Variants in UBASH3B observed in about 807,000 individuals in gnomAD.
The protein encoded by UBASH3B is ubiquitin-associated and SH3 domain-containing protein B.
In UBASH3B, 37 loss-of-function variants were observed where a neutral mutation model predicts 83.4. That is an observed-to-expected ratio of 0.44 (90% CI 0.34 to 0.58). UBASH3B has a LOEUF of 0.58. Among genes scored for constraint, UBASH3B ranks in the 20% least tolerant of loss-of-function variants. The pLI, the probability that UBASH3B is intolerant of heterozygous loss-of-function variation, is 0.01. For synonymous variants in UBASH3B, 304 were observed against 318.3 expected (o/e 0.96, Z 0.48); for missense variants, 657 against 827.2 (o/e 0.79, Z 2.52).
chr11:122,745,204 C>CA (rs1210853133), intron 1 of UBASH3B, among the ~76,000 whole-genome samples: 13 of 152,134 alleles, frequency 8.5e-5, no homozygotes, highest in African/African-American at 2.9e-4. Context: ...CTTACCACTC[C>CA]AAAAATGCAT....
intron 1 of UBASH3B, among the ~76,000 whole-genome samples, chr11:122,764,253 G>A (rs1374945467): frequency 6.6e-6 from 1 of 152,212 alleles, no homozygotes; most frequent in Non-Finnish European, 1.5e-5. Flanking sequence ...AAATAGGCAG[G>A]ATGGTCCTAA....
At chr11:122,690,167 C>CATATATATATATATATAT (rs57203901) in intron 1 of UBASH3B, among the ~76,000 whole-genome samples, 1 of 43,570 alleles carries the variant, frequency 2.3e-5, no homozygotes, top group African/African-American at 6.5e-5. Flanking sequence ...GGCAGGAAAA[C>CATATATATATATATATAT]ATATATATAT....
chr11:122,776,361 T>G, intron 2 of UBASH3B, 89 bp downstream of exon 2: 2 of 1,251,076 alleles, frequency 1.6e-6, no homozygotes, highest in Non-Finnish European at 1.1e-6. Context: ...CTTTCTCTAA[T>G]GGACCCTTCC....
At chr11:122,776,083 G>A (rs1033027601) in intron 1 of UBASH3B, 136 bp from the exon 2 acceptor site, 4 of 678,424 alleles carry the variant, frequency 5.9e-6, no homozygotes, top group Non-Finnish European at 7.4e-6. Flanking sequence ...AAAACCTGCT[G>A]CAGGTGTCTA....
At chr11:122,801,067 T>C in intron 10 of UBASH3B, 121 bp from the exon 11 acceptor site, 1 of 1,215,946 alleles carries the variant, frequency 8.2e-7, no homozygotes, top group Non-Finnish European at 1.1e-6. Flanking sequence ...CTTCCATTTC[T>C]GTTTAGCTAT....
chr11:122,722,562 C>A (rs966848241), intron 1 of UBASH3B, among the ~76,000 whole-genome samples: 3 of 152,116 alleles, frequency 2.0e-5, no homozygotes, highest in African/African-American at 7.2e-5. Context: ...TTCCTGAGTT[C>A]TTTGGTCTCT....
chr11:122,809,706 A>C lies in UBASH3B; in HGVS notation c.1813-43A>C, dbSNP rs759741651. On this transcript the variant is annotated intron_variant, in intron 13 of 13. Coordinates refer to ENST00000284273, the MANE Select transcript of UBASH3B (RefSeq NM_032873.5). ...ATTTAGGTAAAAGTTAAAGCATTAA[A>C]CCTATCTCCTAATATCCCCTTTCTT... 2.2e-5 allele frequency: 36 copies of C among 1,609,818 alleles called. No homozygotes were observed. The Admixed American group carries it at 3.7e-4, about 16-fold the overall frequency.
chr11:122,801,022 G>A (rs1044738898), intron 10 of UBASH3B, among the ~76,000 whole-genome samples, 166 bp from the exon 11 acceptor site: 1 of 152,120 alleles, frequency 6.6e-6, no homozygotes, highest in South Asian at 2.1e-4. Flanking sequence ...TATTAGTAAT[G>A]CACAAAAATT....
intron 1 of UBASH3B, among the ~76,000 whole-genome samples, chr11:122,745,801 AT>A (rs2135963956): frequency 6.6e-6 from 1 of 152,216 alleles, no homozygotes; most frequent in African/African-American, 2.4e-5. Flanking sequence ...AATCCCACTT[AT>A]CTATCAAGGC....
chr11:122,656,042 G>T lies in UBASH3B; in HGVS notation c.-8G>T. On this transcript the variant is annotated 5_prime_UTR_variant, in exon 1 of 14. Transcript: ENST00000284273. ...GCTCCTTCCCTGGCGATGGCTGGCC[G>T]CTGAGCCATGGCTCAGTACGGCCAC... is the stretch of plus-strand genomic sequence containing the variant. 6.4e-7 allele frequency: 1 copy of T among 1,572,260 alleles called. No homozygotes were observed. The highest frequency in any genetic ancestry group is 8.6e-7 in the Non-Finnish European group (1 of 1,160,332).
chr11:122,725,129 C>G (rs933082822), intron 1 of UBASH3B, among the ~76,000 whole-genome samples: 1 of 149,876 alleles, frequency 6.7e-6, no homozygotes, highest in Non-Finnish European at 1.5e-5. Context: ...GTCACCATGC[C>G]CAGCTAATTT....
In UBASH3B at chr11:122,813,868, A is replaced by T. The variant is rs1861494590; in HGVS notation, c.*3982A>T. 1 of 152,258 alleles carries T rather than the reference A, an allele frequency of 6.6e-6. No individual in the cohort carries two copies. The highest frequency in any genetic ancestry group is 2.4e-5 in the African/African-American group (1 of 41,472). The allele number at this position is 152,258 out of a possible 1,614,324, so 9.4% of individuals were successfully genotyped here. A position where few individuals can be genotyped will look rare whatever the true frequency, so the allele number is the denominator to read the frequency against. On this transcript the variant is annotated 3_prime_UTR_variant, in exon 14 of 14. Coordinates refer to ENST00000284273, the MANE Select transcript of UBASH3B (RefSeq NM_032873.5). ...ACTAGCTATAATGAAAATTCAAGCG[A>T]AAAGGGAAAAAGATTGTAAATGCAG...
chr11:122,723,440 T>G (rs1199305278), intron 1 of UBASH3B, among the ~76,000 whole-genome samples: 1 of 152,238 alleles, frequency 6.6e-6, no homozygotes, highest in Non-Finnish European at 1.5e-5. Context: ...AGACGCATTC[T>G]CCCATCTATC....
intron 1 of UBASH3B, among the ~76,000 whole-genome samples, chr11:122,767,522 A>G (rs1215719600): frequency 3.3e-5 from 5 of 152,116 alleles, no homozygotes; most frequent in Non-Finnish European, 1.5e-5. Flanking sequence ...CATGTTGGCC[A>G]GGATGGTCTC....
intron 3 of UBASH3B, 46 bp from the exon 4 acceptor site, chr11:122,779,451 C>G: frequency 1.2e-6 from 2 of 1,605,348 alleles, no homozygotes; most frequent in Non-Finnish European, 1.7e-6. Context: ...AGCAGACTTC[C>G]ATCTCCCCTT....
intron 1 of UBASH3B, among the ~76,000 whole-genome samples, chr11:122,728,057 C>G (rs1860774976): frequency 6.6e-6 from 1 of 152,038 alleles, no homozygotes; most frequent in African/African-American, 2.4e-5. Flanking sequence ...AGGCTGGTCT[C>G]AAACTACGGG....
At chr11:122,731,056 A>T (rs1186563780) in intron 1 of UBASH3B, among the ~76,000 whole-genome samples, 1 of 152,084 alleles carries the variant, frequency 6.6e-6, no homozygotes, top group Admixed American at 6.6e-5. Flanking sequence ...GCCCCTCCTT[A>T]TCCTTGGGGA....
At chr11:122,693,567 A>T (rs953742463) in intron 1 of UBASH3B, among the ~76,000 whole-genome samples, 1 of 152,124 alleles carries the variant, frequency 6.6e-6, no homozygotes, top group African/African-American at 2.4e-5. Context: ...TAAGCCTGTA[A>T]ATGAGGCTGA....
intron 11 of UBASH3B, among the ~76,000 whole-genome samples, chr11:122,804,000 A>G (rs1861298358): frequency 6.6e-6 from 1 of 152,170 alleles, no homozygotes; most frequent in South Asian, 2.1e-4. Flanking sequence ...CACAGGCTCC[A>G]CTTTAAGGTG....
Sources: gnomAD v4.1 joint callset for allele counts (sites outside exome capture counted in the v4.1 genomes callset) on GRCh38, gnomAD v4.1.1 for gene constraint, MANE v1.5 for transcripts, NCBI Gene and HGNC (gene_info 2026-07-23, HGNC 2026-07-21) for gene names.